The following CNTNAP2 variants were observed in gnomAD, a reference collection of about 807,000 sequenced individuals.
The protein encoded by CNTNAP2 is contactin associated protein 2.
CNTNAP2 carries 98 observed loss-of-function variants against 155.2 expected under a neutral mutation model. The observed-to-expected ratio is 0.63, with a 90% CI of 0.54 to 0.75. CNTNAP2 has a LOEUF of 0.75. Among genes scored for constraint, CNTNAP2 ranks in the 30% least tolerant of loss-of-function variants. The pLI is 0.00. For synonymous variants in CNTNAP2, 651 were observed against 631.2 expected (o/e 1.03, Z -0.47); for missense variants, 1,727 against 1,688.1 (o/e 1.02, Z -0.40).
chr7:146,732,641 T>C (rs995485667), intron 1 of CNTNAP2, among the ~76,000 whole-genome samples: 12 of 152,132 alleles, frequency 7.9e-5, no homozygotes, highest in African/African-American at 2.9e-4. Flanking sequence ...TTGGCCATCA[T>C]ACCAAAAAGA....
At chr7:147,735,285 T>C (rs1014011497) in intron 13 of CNTNAP2, among the ~76,000 whole-genome samples, 3 of 152,216 alleles carry the variant, frequency 2.0e-5, no homozygotes, top group Non-Finnish European at 2.9e-5. Context: ...ATGTACTTAG[T>C]AGTCATTCAG....
At chr7:146,967,539 G>A (rs1797682666) in intron 3 of CNTNAP2, among the ~76,000 whole-genome samples, 1 of 152,104 alleles carries the variant, frequency 6.6e-6, no homozygotes. Flanking sequence ...CTTGTAAGTT[G>A]GATTCCTAGG....
chr7:147,304,201 G>T (rs1413629599), intron 9 of CNTNAP2, among the ~76,000 whole-genome samples: 1 of 151,994 alleles, frequency 6.6e-6, no homozygotes, highest in African/African-American at 2.4e-5. Context: ...TAATCACCAA[G>T]AATTCTTTTA....
At chr7:146,363,569 G>A (rs1038345633) in intron 1 of CNTNAP2, among the ~76,000 whole-genome samples, 1 of 152,192 alleles carries the variant, frequency 6.6e-6, no homozygotes, top group African/African-American at 2.4e-5. Context: ...TCAGGAGGAA[G>A]AGGTGGCGAG....
intron 13 of CNTNAP2, among the ~76,000 whole-genome samples, chr7:147,887,750 C>T: frequency 6.6e-6 from 1 of 152,170 alleles, no homozygotes; most frequent in East Asian, 1.9e-4. Flanking sequence ...GGGTTAGACT[C>T]TCAATGAAAA....
At chr7:148,371,305 T>C (rs1466028320) in intron 21 of CNTNAP2, among the ~76,000 whole-genome samples, 2 of 152,104 alleles carry the variant, frequency 1.3e-5, no homozygotes, top group African/African-American at 4.8e-5. Flanking sequence ...TACAATTTGG[T>C]ATTGAAGGTG....
At chr7:148,159,618 G>C (rs1473980482) in intron 17 of CNTNAP2, among the ~76,000 whole-genome samples, 2 of 152,136 alleles carry the variant, frequency 1.3e-5, no homozygotes, top group Non-Finnish European at 2.9e-5. Flanking sequence ...ATATTTATGT[G>C]CATTCTCTGC....
chr7:147,696,335 T>A (rs1796160818), intron 13 of CNTNAP2, among the ~76,000 whole-genome samples: 2 of 152,182 alleles, frequency 1.3e-5, no homozygotes, highest in Admixed American at 6.5e-5. Context: ...TTTCTTAGTG[T>A]CTCAATTATA....
chr7:146,930,955 A>T lies in CNTNAP2; in HGVS notation c.402+91051A>T, dbSNP rs1796740049. ...ATAAAGCAAGTCCTGAGTGACCTAC[A>T]AAGAGACATAGACTCCCACACAATA... On this transcript the variant is annotated intron_variant, in intron 3 of 23. Transcript: ENST00000361727. 2.6e-5 allele frequency among the ~76,000 whole-genome samples: 4 copies of T among 152,196 alleles called. No individual in the cohort carries two copies. The South Asian group carries it at 8.3e-4, about 32-fold the overall frequency.
intron 1 of CNTNAP2, among the ~76,000 whole-genome samples, chr7:146,588,706 G>A (rs973701236): frequency 5.3e-5 from 8 of 151,930 alleles, no homozygotes; most frequent in African/African-American, 1.9e-4. Flanking sequence ...GTAGGATTTT[G>A]CCCTGTTGCC....
At chr7:147,941,565 A>T (rs1335639089) in intron 14 of CNTNAP2, among the ~76,000 whole-genome samples, 1 of 152,142 alleles carries the variant, frequency 6.6e-6, no homozygotes, top group African/African-American at 2.4e-5. Flanking sequence ...TTATAAACAA[A>T]TCACTCTGTG....
intron 15 of CNTNAP2, among the ~76,000 whole-genome samples, chr7:148,116,767 G>A (rs191213636): frequency 6.6e-6 from 1 of 152,224 alleles, no homozygotes; most frequent in Non-Finnish European, 1.5e-5. Context: ...ATTTAATATT[G>A]CATATGTGTA....
intron 1 of CNTNAP2, among the ~76,000 whole-genome samples, chr7:146,534,279 T>G (rs1423093576): frequency 1.3e-5 from 2 of 152,124 alleles, no homozygotes; most frequent in Non-Finnish European, 2.9e-5. Flanking sequence ...GTTAATTTTC[T>G]TTATAATATT....
At chr7:147,092,739 C>A (rs1800432692) in intron 4 of CNTNAP2, among the ~76,000 whole-genome samples, 1 of 152,120 alleles carries the variant, frequency 6.6e-6, no homozygotes, top group Non-Finnish European at 1.5e-5. Context: ...CTTTAGGAAT[C>A]TCAGATTCTA....
chr7:148,175,143 A>T (rs1043711440), intron 18 of CNTNAP2, among the ~76,000 whole-genome samples: 4 of 152,078 alleles, frequency 2.6e-5, no homozygotes, highest in Non-Finnish European at 5.9e-5. Flanking sequence ...CATTTTCTTT[A>T]TCCAGTCTAT....
At chr7:146,211,328 A>C (rs546753343) in intron 1 of CNTNAP2, among the ~76,000 whole-genome samples, 140 of 152,278 alleles carry the variant, frequency 9.2e-4, no homozygotes, top group African/African-American at 3.3e-3. Flanking sequence ...TTTGTAGCTA[A>C]AGTCGAAATC....
intron 1 of CNTNAP2, among the ~76,000 whole-genome samples, chr7:146,591,902 T>G (rs1798789000): frequency 6.6e-6 from 1 of 152,198 alleles, no homozygotes; most frequent in South Asian, 2.1e-4. Context: ...TCAAATTAAA[T>G]TTAGGATAAG....
At chr7:146,841,453 C>T (rs541078676) in intron 3 of CNTNAP2, among the ~76,000 whole-genome samples, 1 of 152,184 alleles carries the variant, frequency 6.6e-6, no homozygotes, top group South Asian at 2.1e-4. Context: ...ACAGTGAAGG[C>T]TTGGATCACA....
chr7:146,310,596 A>G (rs1044604779), intron 1 of CNTNAP2, among the ~76,000 whole-genome samples: 8 of 151,914 alleles, frequency 5.3e-5, no homozygotes, highest in Non-Finnish European at 1.2e-4. Flanking sequence ...TGTACAGTTT[A>G]ATATCTGATA....
Sources: allele counts gnomAD v4.1 joint callset (sites outside exome capture counted in the v4.1 genomes callset), GRCh38; gene constraint gnomAD v4.1.1; transcripts MANE v1.5; gene names NCBI Gene and HGNC (gene_info 2026-07-23, HGNC 2026-07-21).